Variants in CDKAL1 observed in about 807,000 individuals in gnomAD.
The protein encoded by CDKAL1 is threonylcarbamoyladenosine tRNA methylthiotransferase.
In CDKAL1, 32 loss-of-function variants were observed where a neutral mutation model predicts 68.2. The observed-to-expected ratio is 0.47, with a 90% CI of 0.35 to 0.63. The LOEUF (loss-of-function observed/expected upper bound fraction) is 0.63, where lower values mean the gene tolerates loss of function less well. CDKAL1 is among the 30% of genes least tolerant of loss of function. The pLI is 0.00. For synonymous variants in CDKAL1, 234 were observed against 244.3 expected, an observed-to-expected ratio of 0.96 and a Z score of 0.39; for missense variants, 606 against 696.7, an observed-to-expected ratio of 0.87 and a Z score of 1.47.
At chr6:21,225,614 C>A (rs971254263) in intron 15 of CDKAL1, among the ~76,000 whole-genome samples, 2 of 152,172 alleles carry the variant, frequency 1.3e-5, no homozygotes, top group African/African-American at 2.4e-5. Flanking sequence ...GGCTTTCCTT[C>A]TTCACAGAAA....
chr6:21,066,819 T>G (rs972888765), intron 12 of CDKAL1, among the ~76,000 whole-genome samples: 35 of 152,054 alleles, frequency 2.3e-4, no homozygotes, highest in African/African-American at 8.2e-4. Context: ...AGAGACAGGG[T>G]CCTACTATGT....
intron 5 of CDKAL1, among the ~76,000 whole-genome samples, chr6:20,698,705 A>T (rs1263848431): frequency 6.6e-6 from 1 of 152,172 alleles, no homozygotes; most frequent in African/African-American, 2.4e-5. Flanking sequence ...AAACAACTTT[A>T]TTTTTAATAT....
At chr6:20,866,894 G>C (rs1343704110) in intron 9 of CDKAL1, among the ~76,000 whole-genome samples, 1 of 152,172 alleles carries the variant, frequency 6.6e-6, no homozygotes. Flanking sequence ...GCTTGGACAT[G>C]TTTCTACAAA....
rs139515178 is a variant in CDKAL1 at position 20,735,518 on chromosome 6, C to A, written c.372-4001C>A. 4.6e-3 allele frequency among the ~76,000 whole-genome samples: 693 copies of A among 152,250 alleles called. 3 individuals carry two copies. The highest frequency in any genetic ancestry group is 0.016 in the African/African-American group (657 of 41,516). On this transcript the variant is annotated intron_variant, in intron 5 of 15. Transcript: ENST00000274695. ...ACTCCTATGATTCAGTTACCTCCCA[C>A]TGGGCTCCTCCCGTGATATGTGAGT... is the stretch of plus-strand genomic sequence containing the variant.
At chr6:20,812,430 A>G (rs771113920) in intron 8 of CDKAL1, among the ~76,000 whole-genome samples, 34 of 152,300 alleles carry the variant, frequency 2.2e-4, no homozygotes, top group South Asian at 6.2e-4. Context: ...CTAGAGCGTT[A>G]TTTGAAGAGT....
At chr6:20,978,569 G>A (rs1013194805) in intron 10 of CDKAL1, among the ~76,000 whole-genome samples, 5 of 152,160 alleles carry the variant, frequency 3.3e-5, no homozygotes, top group Non-Finnish European at 7.4e-5. Flanking sequence ...TACAGATGCT[G>A]TAAAGTTGAG....
intron 13 of CDKAL1, among the ~76,000 whole-genome samples, chr6:21,125,358 A>G (rs772295279): frequency 5.3e-5 from 8 of 152,118 alleles, no homozygotes. Context: ...CCCCAGCCAT[A>G]AGGAACTGTG....
chr6:21,027,145 A>G (rs1323048896), intron 11 of CDKAL1, among the ~76,000 whole-genome samples: 2 of 152,084 alleles, frequency 1.3e-5, no homozygotes, highest in Non-Finnish European at 2.9e-5. Flanking sequence ...GATTGCTAAA[A>G]ATCCTGGCTG....
intron 5 of CDKAL1, among the ~76,000 whole-genome samples, chr6:20,721,978 C>G (rs1041836810): frequency 1.3e-5 from 2 of 151,918 alleles, no homozygotes; most frequent in African/African-American, 2.4e-5. Flanking sequence ...TGATCCTCCC[C>G]CCTTGGCCTC....
At chr6:20,591,770 C>T (rs200609155) in intron 4 of CDKAL1, among the ~76,000 whole-genome samples, 18 of 151,962 alleles carry the variant, frequency 1.2e-4, no homozygotes, top group East Asian at 3.9e-4. Context: ...TTTTGGTTAC[C>T]GTAGCCTTGT....
chr6:21,031,147 T>G (rs1202270509), intron 11 of CDKAL1, among the ~76,000 whole-genome samples: 1 of 151,998 alleles, frequency 6.6e-6, no homozygotes, highest in Non-Finnish European at 1.5e-5. Flanking sequence ...GCTCACTGGT[T>G]GTTGAGAAAG....
chr6:20,968,487 G>GTT (rs1765439109), intron 10 of CDKAL1, among the ~76,000 whole-genome samples: 1 of 152,040 alleles, frequency 6.6e-6, no homozygotes, highest in African/African-American at 2.4e-5. Flanking sequence ...AATTAGAGAG[G>GTT]TTTTGGCCAC....
chr6:20,778,038 T>C (rs1476700004), intron 7 of CDKAL1, among the ~76,000 whole-genome samples: 1 of 152,070 alleles, frequency 6.6e-6, no homozygotes, highest in African/African-American at 2.4e-5. Flanking sequence ...TGTGTGCCAA[T>C]AGCACAAAAG....
In CDKAL1 at chr6:20,576,680, A is replaced by G. The variant is rs9368203; in HGVS notation, c.286+27975A>G. Among the ~76,000 whole-genome samples, 11 of 152,270 alleles carry G rather than the reference A, an allele frequency of 7.2e-5. No homozygotes were observed. In the East Asian group the frequency reaches 1.9e-3, roughly 27 times the overall value. On this transcript the variant is annotated intron_variant, in intron 4 of 15. Transcript: ENST00000274695. ...CCTTCTGTTTCCCCATGTTCCTTGT[A>G]GCAAACTCTATGCTAGTCCTTATCA...
chr6:20,784,403 A>ATTTTTTTTTT (rs1158168671), intron 8 of CDKAL1, among the ~76,000 whole-genome samples: 1 of 38,576 alleles, frequency 2.6e-5, no homozygotes, highest in Admixed American at 3.0e-4. Context: ...TCTTCCAGAT[A>ATTTTTTTTTT]TTTTATTTCT....
At chr6:20,974,459 G>A (rs1765743746) in intron 10 of CDKAL1, among the ~76,000 whole-genome samples, 1 of 152,160 alleles carries the variant, frequency 6.6e-6, no homozygotes, top group South Asian at 2.1e-4. Flanking sequence ...ACATTGGATA[G>A]GGAAAATGAA....
chr6:20,603,519 A>G (rs1350213309), intron 4 of CDKAL1, among the ~76,000 whole-genome samples: 3 of 152,182 alleles, frequency 2.0e-5, no homozygotes, highest in Admixed American at 6.5e-5. Flanking sequence ...GATGTTCCTT[A>G]TGGACCATTT....
chr6:21,023,546 C>A (rs1364219650), intron 11 of CDKAL1, among the ~76,000 whole-genome samples: 1 of 151,858 alleles, frequency 6.6e-6, no homozygotes, highest in South Asian at 2.1e-4. Context: ...TTTTCCATAC[C>A]CCTGTCAAAC....
chr6:21,165,903 T>G (rs946827922), intron 13 of CDKAL1, among the ~76,000 whole-genome samples: 1 of 152,200 alleles, frequency 6.6e-6, no homozygotes, highest in African/African-American at 2.4e-5. Context: ...TAAAGCCTAG[T>G]TCTGTGATTA....
Sources: gnomAD v4.1 joint callset for allele counts (sites outside exome capture counted in the v4.1 genomes callset) on GRCh38, gnomAD v4.1.1 for gene constraint, MANE v1.5 for transcripts, NCBI Gene and HGNC (gene_info 2026-07-23, HGNC 2026-07-21) for gene names.